Variants in KIAA0825 observed in about 807,000 individuals in gnomAD.
KIAA0825 encodes KIAA0825.
A neutral mutation model predicts 147.6 loss-of-function variants in KIAA0825; 119 were observed. The observed-to-expected ratio is 0.81, with a 90% CI of 0.69 to 0.94. KIAA0825 has a LOEUF of 0.94. Among genes scored for constraint, KIAA0825 ranks in the 40% least tolerant of loss-of-function variants. The pLI is 0.00. For synonymous variants in KIAA0825, 470 were observed against 518.1 expected (o/e 0.91, Z 1.26); for missense variants, 1,381 against 1,472.7 (o/e 0.94, Z 1.02).
At chr5:94,562,940 G>C (rs539095481) in intron 2 of KIAA0825, among the ~76,000 whole-genome samples, 1 of 152,096 alleles carries the variant, frequency 6.6e-6, no homozygotes, top group African/African-American at 2.4e-5. Flanking sequence ...CATTCTTGAC[G>C]TAATTCTGAA....
chr5:94,524,053 T>A lies in KIAA0825; in HGVS notation c.177A>T (p.Gln59His). Residue 59 changes from glutamine (Q) to histidine (H), a missense_variant, in exon 4 of 21, where the codon CAA (glutamine) becomes CAT (histidine). By Grantham distance (24) the Gln-to-His change is conservative. Coordinates refer to ENST00000682413, the MANE Select transcript of KIAA0825 (RefSeq NM_001145678.3). ...TTGTTTGCAGCTGCACACCTGGACATTGTTTGTTAATTTCGGACTGTATCT... is the reference window on the plus strand; with the variant it reads ...TTGTTTGCAGCTGCACACCTGGACAATGTTTGTTAATTTCGGACTGTATCT... ...IKEIQSEINK[Q>H]CPGVQLQTTT... is the part of the protein sequence containing the mutation. 6.2e-7 allele frequency: 1 copy of A among 1,609,788 alleles called. No homozygotes were observed. Among genetic ancestry groups the A allele is most frequent in the Non-Finnish European group, 8.5e-7 (1 of 1,177,258 alleles).
intron 5 of KIAA0825, among the ~76,000 whole-genome samples, chr5:94,491,159 T>C (rs1763689462): frequency 6.6e-6 from 1 of 152,108 alleles, no homozygotes; most frequent in African/African-American, 2.4e-5. Flanking sequence ...AGCCACCCTA[T>C]TATTGACTGT....
In KIAA0825 at chr5:94,311,243, G is replaced by GT. The variant is rs560691373; in HGVS notation, c.3710+73124dup. 8.6e-3 allele frequency among the ~76,000 whole-genome samples: 1,250 copies of GT among 145,744 alleles called. 6 individuals carry two copies. The highest frequency in any genetic ancestry group is 0.013 in the Non-Finnish European group (845 of 65,820). ...TTGTTTTTGGATTTTTGTTTTTTGG[G>GT]TTTTTTTTTTGTTGTTGTTGTTCTT... On this transcript the variant is annotated intron_variant, in intron 20 of 20. Coordinates refer to ENST00000682413, the MANE Select transcript of KIAA0825 (RefSeq NM_001145678.3).
intron 6 of KIAA0825, among the ~76,000 whole-genome samples, chr5:94,478,807 A>G (rs889187716): frequency 2.6e-5 from 4 of 152,154 alleles, no homozygotes; most frequent in Admixed American, 1.3e-4. Context: ...CATAGAGAAG[A>G]CTTTTCAGGA....
chr5:94,399,880 T>G (rs989177388), intron 16 of KIAA0825, among the ~76,000 whole-genome samples: 6 of 151,820 alleles, frequency 4.0e-5, no homozygotes, highest in African/African-American at 1.4e-4. Flanking sequence ...TTTTTAAAAT[T>G]TTATTTATTA....
chr5:94,602,616 T>A lies in KIAA0825; in HGVS notation c.-153+15884A>T, dbSNP rs141968756. Among the ~76,000 whole-genome samples the A allele has an allele frequency of 3.7e-3, 568 of 152,190 alleles. 4 individuals are homozygous for A. Among genetic ancestry groups the A allele is most frequent in the African/African-American group, 0.013 (544 of 41,504 alleles). On this transcript the variant is annotated intron_variant, in intron 1 of 20. Coordinates refer to ENST00000682413, the MANE Select transcript of KIAA0825 (RefSeq NM_001145678.3). Reference sequence around the variant, plus strand: ...AGTGAGTTCTCACAAGATCTGATGGTTTTATAACGGGCTTCCCTCTTCACT... The same window carrying A: ...AGTGAGTTCTCACAAGATCTGATGGATTTATAACGGGCTTCCCTCTTCACT...
intron 1 of KIAA0825, among the ~76,000 whole-genome samples, chr5:94,586,240 A>G (rs878907636): frequency 1.3e-5 from 2 of 152,208 alleles, no homozygotes; most frequent in Non-Finnish European, 2.9e-5. Context: ...AAAAAAATCA[A>G]TGAATCCAGG....
chr5:94,610,306 GC>G (rs1788453501), intron 1 of KIAA0825, among the ~76,000 whole-genome samples: 3 of 151,744 alleles, frequency 2.0e-5, no homozygotes, highest in Admixed American at 6.6e-5. Context: ...TGTAATCCCA[GC>G]TACTCAGGAG....
At chr5:94,446,412 A>G (rs1244556581) in intron 13 of KIAA0825, among the ~76,000 whole-genome samples, 2 of 152,164 alleles carry the variant, frequency 1.3e-5, no homozygotes, top group African/African-American at 4.8e-5. Context: ...AAGTTGTAGT[A>G]AAAAGGAAGT....
chr5:94,216,382 G>A (rs531345382), intron 20 of KIAA0825, among the ~76,000 whole-genome samples: 4 of 152,236 alleles, frequency 2.6e-5, no homozygotes, highest in South Asian at 4.1e-4. Flanking sequence ...GATGAGAAAC[G>A]TTTGTACTTT....
intron 20 of KIAA0825, among the ~76,000 whole-genome samples, chr5:94,200,983 A>G (rs935268632): frequency 4.6e-5 from 6 of 129,612 alleles, no homozygotes; most frequent in Admixed American, 7.8e-5. Context: ...ATATATATAT[A>G]TGTATATCAG....
chr5:94,182,957 T>C (rs1202630502), intron 20 of KIAA0825, among the ~76,000 whole-genome samples: 2 of 152,192 alleles, frequency 1.3e-5, no homozygotes, highest in African/African-American at 2.4e-5. Flanking sequence ...TGGTTTTTCT[T>C]GTAGCTCACC....
chr5:94,412,194 A>G (rs1305799138), intron 15 of KIAA0825, among the ~76,000 whole-genome samples: 1 of 152,210 alleles, frequency 6.6e-6, no homozygotes, highest in Non-Finnish European at 1.5e-5. Context: ...AATGGTCACT[A>G]AGAACATGAA....
intron 5 of KIAA0825, among the ~76,000 whole-genome samples, 189 bp from the exon 6 acceptor site, chr5:94,485,119 G>A (rs140083414): frequency 5.3e-4 from 80 of 151,856 alleles, no homozygotes; most frequent in Middle Eastern, 6.8e-3. Context: ...AGCTGGAGAT[G>A]AATATTCTGT....
chr5:94,470,747 A>G (rs1761114958), intron 9 of KIAA0825, among the ~76,000 whole-genome samples: 1 of 152,138 alleles, frequency 6.6e-6, no homozygotes. Context: ...TGAATATCAC[A>G]CTGCTTTCTT....
chr5:94,291,187 C>T (rs1777874650), intron 20 of KIAA0825, among the ~76,000 whole-genome samples: 1 of 152,134 alleles, frequency 6.6e-6, no homozygotes, highest in Non-Finnish European at 1.5e-5. Context: ...GTGTTTTAGC[C>T]TTGAAGTCTC....
In KIAA0825 at chr5:94,152,720, T is replaced by C. The variant is rs10055994; in HGVS notation, c.*1287A>G. Among the ~76,000 whole-genome samples the C allele has an allele frequency of 0.12, 17,544 of 143,832 alleles. 1,159 individuals carry two copies. Among genetic ancestry groups the C allele is most frequent in the Middle Eastern group, 0.17 (48 of 276 alleles). The allele number at this position is 143,832 out of a possible 152,430, so 94.4% of individuals were successfully genotyped here. The stretch of plus-strand genomic sequence containing the variant: ...GTTCTAGCTACTCAGGAGGCTGAGG[T>C]GGGAGTATTGCTTGAGCCTATGAGT... On this transcript the variant is annotated 3_prime_UTR_variant, in exon 21 of 21. Coordinates refer to ENST00000682413, the MANE Select transcript of KIAA0825 (RefSeq NM_001145678.3).
At chr5:94,411,719 C>G (rs1352387336) in intron 15 of KIAA0825, among the ~76,000 whole-genome samples, 1 of 152,128 alleles carries the variant, frequency 6.6e-6, no homozygotes, top group Admixed American at 6.6e-5. Context: ...GAGGCTGAGG[C>G]AGGCAGATCA....
intron 13 of KIAA0825, among the ~76,000 whole-genome samples, chr5:94,447,190 G>C (rs1268943750): frequency 1.3e-5 from 2 of 152,004 alleles, no homozygotes; most frequent in Non-Finnish European, 2.9e-5. Context: ...GTCATGTATG[G>C]TTGGTACCCA....
Sources: allele counts gnomAD v4.1 joint callset (sites outside exome capture counted in the v4.1 genomes callset), GRCh38; gene constraint gnomAD v4.1.1; transcripts MANE v1.5; gene names NCBI Gene and HGNC (gene_info 2026-07-23, HGNC 2026-07-21).